Variants in RBFOX2 observed in about 807,000 individuals in gnomAD.
RBFOX2 encodes RNA binding protein fox-1 homolog 2.
RBFOX2 carries 10 observed loss-of-function variants against 49.1 expected under a neutral mutation model. The ratio of observed to expected loss-of-function variants is 0.20; its 90% confidence interval spans 0.13 to 0.35. The LOEUF (loss-of-function observed/expected upper bound fraction) is 0.35. RBFOX2 is among the 10% of genes least tolerant of loss of function. The pLI is 1.00. For synonymous variants in RBFOX2, 183 were observed against 187.4 expected (o/e 0.98, Z 0.19); for missense variants, 323 against 486.9 (o/e 0.66, Z 3.17).
intron 4 of RBFOX2, among the ~76,000 whole-genome samples, chr22:35,773,363 C>T (rs1943161142): frequency 6.6e-6 from 1 of 152,002 alleles, no homozygotes; most frequent in Non-Finnish European, 1.5e-5. Context: ...CCTAGATCCC[C>T]ATTATTCCAG....
At chr22:35,873,146 T>C (rs1022606577) in intron 1 of RBFOX2, among the ~76,000 whole-genome samples, 1 of 152,152 alleles carries the variant, frequency 6.6e-6, no homozygotes, top group African/African-American at 2.4e-5. Flanking sequence ...GTTGTTTCTT[T>C]TTTCTTTTTT....
intron 8 of RBFOX2, 85 bp from the exon 10 acceptor site, chr22:35,760,105 T>C: frequency 6.5e-7 from 1 of 1,542,390 alleles, no homozygotes; most frequent in Non-Finnish European, 8.9e-7. Context: ...GAACCAATTA[T>C]AGAAAAGATG....
intron 1 of RBFOX2, among the ~76,000 whole-genome samples, chr22:35,935,274 T>C (rs1477201404): frequency 6.6e-6 from 1 of 152,196 alleles, no homozygotes; most frequent in African/African-American, 2.4e-5. Context: ...TTTTCTGAAC[T>C]AGTTTTCACT....
chr22:35,810,188 G>GACACACACACAC (rs58254412), intron 1 of RBFOX2, among the ~76,000 whole-genome samples, 184 bp from the exon 3 acceptor site: 51 of 142,706 alleles, frequency 3.6e-4, no homozygotes, highest in African/African-American at 1.2e-3. Context: ...TATGTGGACA[G>GACACACACACAC]ACACACACAC....
intron 1 of RBFOX2, among the ~76,000 whole-genome samples, chr22:36,027,898 G>A (rs922790933): frequency 5.3e-5 from 8 of 152,102 alleles, no homozygotes; most frequent in Non-Finnish European, 1.0e-4. Context: ...GTCCAGAGAA[G>A]CCAGGATTTC....
intron 9 of RBFOX2, among the ~76,000 whole-genome samples, chr22:35,754,371 C>T (rs995151077): frequency 1.3e-5 from 2 of 152,026 alleles, no homozygotes; most frequent in African/African-American, 4.8e-5. Flanking sequence ...GATTACAGGC[C>T]TGAGCCACTG....
intron 9 of RBFOX2, 71 bp from the exon 12 acceptor site, chr22:35,746,632 C>G: frequency 1.1e-6 from 1 of 934,042 alleles, no homozygotes. Context: ...ACACACCCGC[C>G]CACACACAGA....
chr22:36,013,592 TCA>T (rs1198640559), intron 1 of RBFOX2, among the ~76,000 whole-genome samples: 3 of 151,586 alleles, frequency 2.0e-5, no homozygotes, highest in African/African-American at 7.3e-5. Context: ...TTTTATAATC[TCA>T]GAGTGGTAAA....
intron 1 of RBFOX2, among the ~76,000 whole-genome samples, chr22:35,838,447 C>T (rs1011922850): frequency 1.6e-4 from 25 of 151,946 alleles, no homozygotes; most frequent in Non-Finnish European, 3.2e-4. Flanking sequence ...GATCAGAGGG[C>T]GATGAAGTTC....
chr22:35,746,303 T>G (rs111351986), intron 10 of RBFOX2, among the ~76,000 whole-genome samples, 170 bp downstream of exon 12: 95 of 152,264 alleles, frequency 6.2e-4, no homozygotes, highest in Middle Eastern at 6.8e-3. Context: ...CGGTGCCTTG[T>G]GCTTTAGGCA....
At chr22:35,944,539 C>A (rs532816339) in intron 1 of RBFOX2, among the ~76,000 whole-genome samples, 4 of 152,206 alleles carry the variant, frequency 2.6e-5, no homozygotes, top group African/African-American at 9.6e-5. Flanking sequence ...GAAAACTTAA[C>A]AATACTGAAG....
At chr22:35,795,987 T>TA (rs1230677130) in intron 2 of RBFOX2, among the ~76,000 whole-genome samples, 3 of 152,138 alleles carry the variant, frequency 2.0e-5, no homozygotes, top group African/African-American at 4.8e-5. Flanking sequence ...CTTGTCAACT[T>TA]AAAAAAACTT....
chr22:35,814,699 G>C (rs1448160712), intron 1 of RBFOX2, among the ~76,000 whole-genome samples: 3 of 108,342 alleles, frequency 2.8e-5, no homozygotes. Context: ...CGACAGAGTG[G>C]AACCCTGTCT....
At chr22:35,834,304 G>A (rs1449397380) in intron 1 of RBFOX2, among the ~76,000 whole-genome samples, 1 of 152,100 alleles carries the variant, frequency 6.6e-6, no homozygotes, top group Non-Finnish European at 1.5e-5. Context: ...AGTTAATGAG[G>A]GTAAAGTGCT....
At chr22:35,844,191 C>A (rs965536988), upstream of RBFOX2, among the ~76,000 whole-genome samples, 2 of 152,146 alleles carry the variant, frequency 1.3e-5, no homozygotes, top group African/African-American at 4.8e-5. Flanking sequence ...ACCTTAGCAC[C>A]TAATCCATGG....
rs1223410817 is a variant in RBFOX2 at position 35,781,590 on chromosome 22, A to G, written c.399+10T>C. Reference sequence around the variant, plus strand: ...ATTGTAAAATCCATAAAAAGACTTCAGAGACTTACCCCAAACATCTGCCGG... The same window carrying G: ...ATTGTAAAATCCATAAAAAGACTTCGGAGACTTACCCCAAACATCTGCCGG... On this transcript the variant is annotated intron_variant, in intron 3 of 11. Transcript: ENST00000405409. The G allele has an allele frequency of 6.2e-7, 1 of 1,612,134 alleles. No homozygotes were observed. Among genetic ancestry groups the G allele is most frequent in the Non-Finnish European group, 8.5e-7 (1 of 1,179,164 alleles).
At chr22:35,836,092 G>A (rs556157334) in intron 1 of RBFOX2, among the ~76,000 whole-genome samples, 29 of 152,072 alleles carry the variant, frequency 1.9e-4, no homozygotes, top group Non-Finnish European at 3.5e-4. Context: ...GTGGATGAAG[G>A]GTGGGATAAG....
intron 1 of RBFOX2, among the ~76,000 whole-genome samples, chr22:35,810,893 C>T (rs963017571): frequency 4.6e-5 from 7 of 151,964 alleles, no homozygotes; most frequent in African/African-American, 1.5e-4. Context: ...TGTAATAAAA[C>T]CTATACAAAT....
At chr22:35,948,826 T>G (rs1370265331) in intron 1 of RBFOX2, among the ~76,000 whole-genome samples, 1 of 152,204 alleles carries the variant, frequency 6.6e-6, no homozygotes, top group Non-Finnish European at 1.5e-5. Flanking sequence ...TAAATATACA[T>G]AAAGTTACCA....
Sources: allele counts gnomAD v4.1 joint callset (sites outside exome capture counted in the v4.1 genomes callset), GRCh38; gene constraint gnomAD v4.1.1; transcripts MANE v1.5; gene names NCBI Gene and HGNC (gene_info 2026-07-23, HGNC 2026-07-21).